The following SLC25A48 variants were observed in gnomAD, a reference collection of about 807,000 sequenced individuals.
SLC25A48 encodes solute carrier family 25 member 48.
A neutral mutation model predicts 32.2 loss-of-function variants in SLC25A48; 29 were observed. The ratio of observed to expected loss-of-function variants is 0.90; its 90% confidence interval spans 0.67 to 1.23. The LOEUF (loss-of-function observed/expected upper bound fraction) is 1.23. Among genes scored for constraint, SLC25A48 ranks in the 50% most tolerant of loss-of-function variants. The probability of loss-of-function intolerance (pLI) is 0.00; values close to 1 mark genes in which losing one functional copy is unlikely to be tolerated. For missense variants in SLC25A48, 399 were observed against 422.7 expected, an observed-to-expected ratio of 0.94 and a Z score of 0.49; for synonymous variants, 164 against 172.3, an observed-to-expected ratio of 0.95 and a Z score of 0.38.
intron 3 of SLC25A48, among the ~76,000 whole-genome samples, chr5:135,716,509 T>C (rs1385624647): frequency 6.6e-6 from 1 of 152,106 alleles, no homozygotes; most frequent in Non-Finnish European, 1.5e-5. Context: ...CCAGACATTC[T>C]CTGCTCTCAC....
chr5:135,685,224 T>G (rs982691792), intron 3 of SLC25A48, among the ~76,000 whole-genome samples: 1 of 152,010 alleles, frequency 6.6e-6, no homozygotes, highest in African/African-American at 2.4e-5. Context: ...AACTTTTTGA[T>G]TATAGCCTTT....
chr5:135,592,913 G>C (rs146576909), intron 1 of SLC25A48, among the ~76,000 whole-genome samples: 68 of 152,280 alleles, frequency 4.5e-4, no homozygotes, highest in African/African-American at 1.6e-3. Context: ...TGCAGTGTGG[G>C]GTAGAGCTTG....
chr5:135,647,118 C>T (rs801565), intron 3 of SLC25A48, among the ~76,000 whole-genome samples: 123,875 of 151,982 alleles, frequency 0.82, 50,602 homozygotes, highest in East Asian at 1. Flanking sequence ...GCACCAAAAA[C>T]ACATACGGTT....
chr5:135,602,351 T>G (rs1339471263), intron 1 of SLC25A48, among the ~76,000 whole-genome samples: 1 of 152,120 alleles, frequency 6.6e-6, no homozygotes, highest in Non-Finnish European at 1.5e-5. Context: ...CACAGGTGAG[T>G]GGACTTCTGC....
chr5:135,881,315 T>G (rs1254657507), intron 7 of SLC25A48, among the ~76,000 whole-genome samples: 1 of 152,220 alleles, frequency 6.6e-6, no homozygotes, highest in East Asian at 1.9e-4. Context: ...CCCCGTGAGC[T>G]GGCAGGGGCA....
At chr5:135,742,537 T>C in intron 3 of SLC25A48, 1 of 1,472,244 alleles carries the variant, frequency 6.8e-7, no homozygotes, top group South Asian at 1.2e-5. Flanking sequence ...TCCCAAACAA[T>C]ACCAAGATTT....
Position 135,758,805 on chromosome 5 carries a change from A to G in SLC25A48, c.-520-53718A>G, listed in dbSNP as rs564722343. On this transcript the variant is annotated intron_variant, in intron 3 of 10. Coordinates refer to the SLC25A48 transcript ENST00000646290. ...ATATATCATCTGTGCTATGAATAATATCTAGTGTTAACACACTATGATATT... is the reference window on the plus strand; with the variant it reads ...ATATATCATCTGTGCTATGAATAATGTCTAGTGTTAACACACTATGATATT... 6.0e-5 allele frequency among the ~76,000 whole-genome samples: 9 copies of G among 150,846 alleles called. No individual in the cohort carries two copies. The East Asian group carries it at 1.0e-3, about 17-fold the overall frequency.
intron 2 of SLC25A48, among the ~76,000 whole-genome samples, chr5:135,848,989 T>C (rs1408346646): frequency 2.6e-5 from 4 of 152,234 alleles, no homozygotes; most frequent in Non-Finnish European, 5.9e-5. Flanking sequence ...AATTTGTTGT[T>C]GTTGTTTTTG....
chr5:135,803,095 G>T (rs1356797434), intron 3 of SLC25A48: 2 of 151,318 alleles, frequency 1.3e-5, no homozygotes, highest in Non-Finnish European at 3.0e-5. Context: ...ATATCCTATG[G>T]AGGTATTACT....
intron 3 of SLC25A48, among the ~76,000 whole-genome samples, chr5:135,640,506 C>T (rs889619140): frequency 6.6e-6 from 1 of 152,094 alleles, no homozygotes; most frequent in African/African-American, 2.4e-5. Flanking sequence ...AAACCTTCCG[C>T]ATGATACAAT....
chr5:135,835,186 A>G (rs1430054902), intron 1 of SLC25A48: 4 of 629,960 alleles, frequency 6.3e-6, no homozygotes, highest in African/African-American at 3.6e-5. Context: ...CCCACAGCCA[A>G]TGGAGGCTCC....
In SLC25A48 at chr5:135,883,343, A is replaced by G. The variant is rs1344071340; in HGVS notation, c.*7+3246A>G. ...CAAACAAACGAACAGAACAAAACAA[A>G]ACTGGAGTAAAATAGACCCTCCCCC... On this transcript the variant is annotated intron_variant, in intron 7 of 7. Coordinates refer to ENST00000681962, the MANE Select transcript of SLC25A48 (RefSeq NM_001349336.2). 5 of 985,386 alleles carry G rather than the reference A, an allele frequency of 5.1e-6. No individual in the cohort carries two copies. In the Admixed American group the frequency reaches 3.1e-4, roughly 61 times the overall value. 61.0% of individuals were successfully genotyped at this position (985,386 alleles called of 1,614,324 possible). A position where few individuals can be genotyped will look rare whatever the true frequency, so the allele number is the denominator to read the frequency against.
chr5:135,846,142 C>G (rs183428799), intron 2 of SLC25A48, among the ~76,000 whole-genome samples: 1 of 152,164 alleles, frequency 6.6e-6, no homozygotes, highest in African/African-American at 2.4e-5. Flanking sequence ...ACTGCGCATG[C>G]GAGGGATCTA....
chr5:135,677,770 T>C (rs1401445571), intron 3 of SLC25A48, among the ~76,000 whole-genome samples: 1 of 152,206 alleles, frequency 6.6e-6, no homozygotes, highest in Non-Finnish European at 1.5e-5. Flanking sequence ...CCTTCATTTG[T>C]GAAGGATAAT....
At chr5:135,861,459 C>T (rs984599086) in intron 4 of SLC25A48, among the ~76,000 whole-genome samples, 21 of 152,130 alleles carry the variant, frequency 1.4e-4, no homozygotes, top group South Asian at 4.2e-4. Context: ...GTCACCAAGC[C>T]TCAGTTAACT....
intron 4 of SLC25A48, among the ~76,000 whole-genome samples, chr5:135,823,584 G>A (rs765899390): frequency 1.3e-5 from 2 of 152,234 alleles, no homozygotes; most frequent in Admixed American, 6.5e-5. Context: ...GGACACAGAA[G>A]TGATCTAGAC....
chr5:135,858,768 A>C (rs1393407420), intron 4 of SLC25A48, among the ~76,000 whole-genome samples: 1 of 152,238 alleles, frequency 6.6e-6, no homozygotes, highest in African/African-American at 2.4e-5. Context: ...ATAGCTTCAA[A>C]CTTTAGGGAG....
chr5:135,842,514 C>G, intron 2 of SLC25A48, 55 bp downstream of exon 2: 1 of 1,512,940 alleles, frequency 6.6e-7, no homozygotes, highest in Non-Finnish European at 9.2e-7. Context: ...AGCTGACCTG[C>G]CTCTGGGACT....
chr5:135,594,503 T>C (rs1462108430), intron 1 of SLC25A48, among the ~76,000 whole-genome samples: 1 of 152,158 alleles, frequency 6.6e-6, no homozygotes, highest in Non-Finnish European at 1.5e-5. Context: ...TCCTAATTTG[T>C]AAAATGGAGC....
Sources: gnomAD v4.1 joint callset for allele counts (sites outside exome capture counted in the v4.1 genomes callset) on GRCh38, gnomAD v4.1.1 for gene constraint, MANE v1.5 for transcripts, NCBI Gene and HGNC (gene_info 2026-07-23, HGNC 2026-07-21) for gene names.